ROBO4: variants seen among roughly 807,000 people sequenced by gnomAD.
The protein encoded by ROBO4 is roundabout guidance receptor 4.
A neutral mutation model predicts 103.3 loss-of-function variants in ROBO4; 80 were observed. That is an observed-to-expected ratio of 0.77 (90% CI 0.65 to 0.93). The LOEUF (loss-of-function observed/expected upper bound fraction) is 0.93. Among genes scored for constraint, ROBO4 ranks in the 40% least tolerant of loss-of-function variants. ROBO4 has a pLI of 0.00. For missense variants in ROBO4, 1,333 were observed against 1,305.3 expected (o/e 1.02, Z -0.33); for synonymous variants, 504 against 529.7 (o/e 0.95, Z 0.67).
chr11:124,886,834 C>T lies in ROBO4; in HGVS notation c.2436-12G>A. 2 of 1,528,134 alleles carry T rather than the reference C, an allele frequency of 1.3e-6. No homozygotes were observed. The highest frequency in any genetic ancestry group is 2.6e-5 in the South Asian group (2 of 77,534). The allele number at this position is 1,528,134 out of a possible 1,614,324, so 94.7% of individuals were successfully genotyped here. A position where few individuals can be genotyped will look rare whatever the true frequency, so the allele number is the denominator to read the frequency against. On this transcript the variant is annotated splice_polypyrimidine_tract_variant and intron_variant, in intron 15 of 17. Coordinates refer to ENST00000306534, the MANE Select transcript of ROBO4 (RefSeq NM_019055.6). ...GAGAGACGCTGTTCCTAGGGAGAGG[C>T]AAAAGGGGAGACAGCAATGGTTTGG...
chr11:124,895,082 T>G lies in ROBO4; in HGVS notation c.1148A>C (p.Gln383Pro), dbSNP rs1946861723. 6.2e-7 allele frequency: 1 copy of G among 1,611,312 alleles called. No homozygotes were observed. The highest frequency in any genetic ancestry group is 1.7e-5 in the Admixed American group (1 of 59,996). ...ENHNGIIRGY[Q>P]VWSLGNTSLP... is the part of the protein sequence containing the mutation. ...GGCTATGACAGCTAGTGGGGGTACC[T>G]GGTAGCCACGGATGATGCCATTGTG... The change falls in exon 7 of 18, where the codon CAG (glutamine) becomes CCG (proline). Residue 383 changes from glutamine to proline, a missense_variant and splice_region_variant. Gln to Pro is a moderately conservative substitution (Grantham distance 76). Transcript: ENST00000306534.
intron 10 of ROBO4, chr11:124,892,151 C>G (rs1000250530): frequency 1.0e-5 from 5 of 476,596 alleles, no homozygotes; most frequent in East Asian, 5.5e-5. Flanking sequence ...ATCTGTTGCA[C>G]TTGGGTAAGT....
At position 124,884,346 on chromosome 11, in the gene ROBO4, C is replaced by A. The variant is rs1946678421; in HGVS notation, c.*545G>T. ...CATCCTCGCTAGACCCAGCCTTGAA[C>A]CCTTTGTTTGGCATGAGGTAGGGCC... On this transcript the variant is annotated 3_prime_UTR_variant, in exon 18 of 18. Transcript: ENST00000306534. 1 of 162,622 alleles carries A rather than the reference C, an allele frequency of 6.1e-6. No individual in the cohort carries two copies. Among genetic ancestry groups the A allele is most frequent in the Non-Finnish European group, 1.3e-5 (1 of 74,626 alleles). The allele number at this position is 162,622 out of a possible 1,614,324, so 10.1% of individuals were successfully genotyped here.
chr11:124,897,698 A>G, intron 1 of ROBO4, 28 bp downstream of exon 1: 1 of 1,610,418 alleles, frequency 6.2e-7, no homozygotes, highest in South Asian at 1.1e-5. Context: ...ATGGAGGAGC[A>G]TGGGCCAGGA....
At chr11:124,890,163 G>A (rs1397040298) in intron 12 of ROBO4, among the ~76,000 whole-genome samples, 2 of 152,008 alleles carry the variant, frequency 1.3e-5, no homozygotes, top group African/African-American at 4.8e-5. Context: ...TTTTTAGCTG[G>A]TGTTTCGTTA....
In ROBO4 at chr11:124,897,083, C is replaced by T. The variant is rs746420072; in HGVS notation, c.249G>A (p.Leu83=). The change falls in exon 2 of 18, where the codon CTG becomes CTA. Residue 83 remains leucine (L), a synonymous_variant. Coordinates refer to ENST00000306534, the MANE Select transcript of ROBO4 (RefSeq NM_019055.6). ...GTAGCAGCAGAAGGGTCCCATCAGG[C>T]AGGAGGTGGTGTGGGTCTGGGGGCA... The part of the protein sequence containing the change: ...SMVPPDPHHL[L]PDGTLLLLQP... The T allele has an allele frequency of 1.2e-6, 2 of 1,609,378 alleles. No individual in the cohort carries two copies. Among genetic ancestry groups the T allele is most frequent in the Admixed American group, 1.7e-5 (1 of 59,682 alleles).
In ROBO4 at chr11:124,887,854, G is replaced by A. The variant is rs766691280; in HGVS notation, c.1949-14C>T. The A allele has an allele frequency of 1.2e-6, 2 of 1,607,522 alleles. No individual in the cohort carries two copies. The highest frequency in any genetic ancestry group is 1.7e-5 in the Admixed American group (1 of 58,134). ...CATGCTGCAGCTCTGCAAAGAAAGGGTTGGTGGTTGTGGGGCCCAGGATGG... is the reference window on the plus strand; with the variant it reads ...CATGCTGCAGCTCTGCAAAGAAAGGATTGGTGGTTGTGGGGCCCAGGATGG... On this transcript the variant is annotated splice_polypyrimidine_tract_variant and intron_variant, in intron 12 of 17. Coordinates refer to ENST00000306534, the MANE Select transcript of ROBO4 (RefSeq NM_019055.6).
rs577095368 is a variant in ROBO4, at chr11:124,887,465, G to A, written c.2091C>T (p.Ala697=). ...AVPQALVAWR[A]LGPKLLSSSN... Reference sequence around the variant, plus strand: ...AGGAGCTGAGGAGTTTCGGTCCCAGGGCCCGCCAGGCAACCAGAGCTTGGG... The same window carrying A: ...AGGAGCTGAGGAGTTTCGGTCCCAGAGCCCGCCAGGCAACCAGAGCTTGGG... Residue 697 remains alanine, a synonymous_variant, in exon 14 of 18, where the codon GCC becomes GCT. Coordinates refer to ENST00000306534, the MANE Select transcript of ROBO4 (RefSeq NM_019055.6). 1.2e-6 allele frequency: 2 copies of A among 1,613,950 alleles called. No individual in the cohort carries two copies. Among genetic ancestry groups the A allele is most frequent in the African/African-American group, 1.3e-5 (1 of 74,992 alleles).
rs1051873221 is a variant in ROBO4 at position 124,887,571 on chromosome 11, C to T, written c.2057-72G>A. The T allele has an allele frequency of 1.5e-4, 233 of 1,588,368 alleles. 1 individual carries two copies. In the East Asian group the frequency reaches 4.0e-3, roughly 27 times the overall value. On this transcript the variant is annotated intron_variant, in intron 13 of 17. Transcript: ENST00000306534. The stretch of plus-strand genomic sequence containing the variant: ...CTCTGGAGCTCAGCCTGCCGGCCTG[C>T]CCACCAGCCCCCTTAGCTACCTGTC...
Position 124,887,111 on chromosome 11 carries a change from G to T in ROBO4, c.2301C>A (p.Leu767=). ...CSPPSPQASS[L]SGPSPASSRL... is the part of the protein sequence containing the mutation. ...GACTGGAAGCTGGGCTGGGGCCAGA[G>T]AGGGAAGAGGCCTGGGGGCTAGGGG... is the stretch of plus-strand genomic sequence containing the variant. Residue 767 remains leucine (L), a synonymous_variant, in exon 15 of 18, where the codon CTC becomes CTA. Transcript: ENST00000306534. 6.2e-7 allele frequency: 1 copy of T among 1,613,772 alleles called. No individual in the cohort carries two copies. Among genetic ancestry groups the T allele is most frequent in the Non-Finnish European group, 8.5e-7 (1 of 1,179,784 alleles).
chr11:124,896,153 G>A, intron 4 of ROBO4, 45 bp downstream of exon 4: 1 of 1,605,978 alleles, frequency 6.2e-7, no homozygotes, highest in Non-Finnish European at 8.5e-7. Flanking sequence ...CACCCCAACT[G>A]GAGCCTGCAG....
chr11:124,892,637 C>T (rs1946817408), intron 10 of ROBO4: 2 of 154,744 alleles, frequency 1.3e-5, no homozygotes, highest in Admixed American at 1.3e-4. Context: ...CATTGACCCC[C>T]TCCATGTGTC....
At position 124,896,572 on chromosome 11, in the gene ROBO4, G is replaced by T. The variant is rs200473906; in HGVS notation, c.499C>A (p.Pro167Thr). 6.2e-7 allele frequency: 1 copy of T among 1,614,130 alleles called. No individual in the cohort carries two copies. Among genetic ancestry groups the T allele is most frequent in the East Asian group, 2.2e-5 (1 of 44,862 alleles). ...ECGPPWGHPE[P>T]TVSWWKDGKP... ...CCATCTTTCCACCATGAGACTGTGG[G>T]CTCTGGGTGGCCCCAGGGCGGCCCA... Residue 167 changes from proline to threonine, a missense_variant, in exon 3 of 18, where the codon CCC (proline) becomes ACC (threonine). Transcript: ENST00000306534.
Position 124,885,231 on chromosome 11 carries a change from G to A in ROBO4, c.2811C>T (p.Pro937=). Reference sequence around the variant, plus strand: ...TCAGGAAGATCTCATCCCGTGGGGAGGGAGGTGATGAGGCATCTGTCAGGG... The same window carrying A: ...TCAGGAAGATCTCATCCCGTGGGGAAGGAGGTGATGAGGCATCTGTCAGGG... The part of the protein sequence containing the change: ...DCVFIDASSP[P]SPRDEIFLTP... The change falls in exon 17 of 18, where the codon CCC becomes CCT. Residue 937 remains proline (P), a synonymous_variant. Coordinates refer to ENST00000306534, the MANE Select transcript of ROBO4 (RefSeq NM_019055.6). 1 of 1,611,848 alleles carries A rather than the reference G, an allele frequency of 6.2e-7. No homozygotes were observed. Among genetic ancestry groups the A allele is most frequent in the Non-Finnish European group, 8.5e-7 (1 of 1,179,968 alleles).
At chr11:124,887,315 C>G (rs1485752550) in intron 14 of ROBO4, 43 bp downstream of exon 14, 2 of 1,613,072 alleles carry the variant, frequency 1.2e-6, no homozygotes, top group South Asian at 1.1e-5. Flanking sequence ...CTCCCCACAC[C>G]CCCACTCTCC....
Position 124,897,053 on chromosome 11 carries a change from G to A in ROBO4, c.279C>T (p.Pro93=). The A allele has an allele frequency of 6.2e-7, 1 of 1,613,628 alleles. No homozygotes were observed. Among genetic ancestry groups the A allele is most frequent in the Admixed American group, 1.7e-5 (1 of 59,970 alleles). Residue 93 remains proline, a synonymous_variant, in exon 2 of 18, where the codon CCC becomes CCT. Coordinates refer to ENST00000306534, the MANE Select transcript of ROBO4 (RefSeq NM_019055.6). ...CATCGTGGGCATGTCCCCGGGCAGG[G>A]GGCTGTAGCAGCAGAAGGGTCCCAT... ...LPDGTLLLLQ[P]PARGHAHDGQ...
At chr11:124,886,114 C>A (rs560923087) in intron 16 of ROBO4, among the ~76,000 whole-genome samples, 4 of 152,312 alleles carry the variant, frequency 2.6e-5, no homozygotes, top group African/African-American at 9.6e-5. Context: ...TCTCTTGAAC[C>A]TGGGAGGCAG....
At chr11:124,885,312 C>T in intron 16 of ROBO4, 65 bp from the exon 17 acceptor site, 1 of 1,411,960 alleles carries the variant, frequency 7.1e-7, no homozygotes, top group Non-Finnish European at 9.8e-7. Context: ...CAGTTTAGTA[C>T]AGAAAGCTTA....
rs1946905411 is a variant in ROBO4 at position 124,897,050 on chromosome 11, A to G, written c.282T>C (p.Pro94=). 6.2e-7 allele frequency: 1 copy of G among 1,613,640 alleles called. No homozygotes were observed. Among genetic ancestry groups the G allele is most frequent in the Non-Finnish European group, 8.5e-7 (1 of 1,179,780 alleles). ...GGCCATCGTGGGCATGTCCCCGGGC[A>G]GGGGGCTGTAGCAGCAGAAGGGTCC... ...PDGTLLLLQP[P]ARGHAHDGQA... is the part of the protein sequence containing the mutation. The change falls in exon 2 of 18, where the codon CCT becomes CCC. Residue 94 remains proline (P), a synonymous_variant. Transcript: ENST00000306534.
Sources: gnomAD v4.1 joint callset for allele counts (sites outside exome capture counted in the v4.1 genomes callset) on GRCh38, gnomAD v4.1.1 for gene constraint, MANE v1.5 for transcripts, NCBI Gene and HGNC (gene_info 2026-07-23, HGNC 2026-07-21) for gene names.